The following NALF1 variants were observed in gnomAD, a reference collection of about 807,000 sequenced individuals.
The protein encoded by NALF1 is NALCN channel auxiliary factor 1, also known as family with sequence similarity 155 member A.
In NALF1, 3 loss-of-function variants were observed where a neutral mutation model predicts 48.4. The observed-to-expected ratio is 0.06, with a 90% CI of 0.03 to 0.16. The LOEUF is 0.16. NALF1 is among the 10% of genes least tolerant of loss of function. NALF1 has a pLI of 1.00. For synonymous variants in NALF1, 262 were observed against 245.7 expected (o/e 1.07, Z -0.62); for missense variants, 526 against 571.5 (o/e 0.92, Z 0.81).
intron 1 of NALF1, among the ~76,000 whole-genome samples, chr13:107,615,741 T>C (rs1879361780): frequency 6.6e-6 from 1 of 152,232 alleles, no homozygotes; most frequent in Admixed American, 6.5e-5. Flanking sequence ...ATATTTTCTT[T>C]TACACTAGGT....
At chr13:107,804,215 T>C (rs1316162855) in intron 1 of NALF1, among the ~76,000 whole-genome samples, 2 of 152,206 alleles carry the variant, frequency 1.3e-5, no homozygotes, top group African/African-American at 4.8e-5. Context: ...AGGCGCAATT[T>C]GTCTTCAAGA....
At chr13:107,542,930 A>G (rs1877035625) in intron 1 of NALF1, among the ~76,000 whole-genome samples, 1 of 152,104 alleles carries the variant, frequency 6.6e-6, no homozygotes, top group Admixed American at 6.6e-5. Context: ...AATTATATAA[A>G]TGTTCTTTTG....
intron 1 of NALF1, among the ~76,000 whole-genome samples, chr13:107,819,766 ACACACACACACACAG>A (rs1879308757): frequency 7.6e-6 from 1 of 131,030 alleles, no homozygotes; most frequent in South Asian, 2.5e-4. Flanking sequence ...TCTCTCTTTC[ACACACACACACACAG>A]CACACACACT....
intron 1 of NALF1, among the ~76,000 whole-genome samples, chr13:107,354,817 T>C (rs1463783331): frequency 1.3e-5 from 2 of 152,168 alleles, no homozygotes; most frequent in Non-Finnish European, 2.9e-5. Context: ...GTTTTGTTTG[T>C]GTAAAAGCCC....
At chr13:107,316,316 G>A (rs1289643040) in intron 1 of NALF1, among the ~76,000 whole-genome samples, 5 of 152,144 alleles carry the variant, frequency 3.3e-5, no homozygotes, top group Non-Finnish European at 1.5e-5. Context: ...ATTTGGGTTG[G>A]TTCCAAGTCT....
At chr13:107,845,649 A>G (rs1880152953) in intron 1 of NALF1, among the ~76,000 whole-genome samples, 1 of 152,198 alleles carries the variant, frequency 6.6e-6, no homozygotes, top group Non-Finnish European at 1.5e-5. Context: ...GCAATTGAGA[A>G]TAATCTCTCA....
At position 107,665,486 on chromosome 13, in the gene NALF1, G is replaced by A. The variant is rs1350356364; in HGVS notation, c.915+200196C>T. ...CCATATTAGCTTTTGCTACAATGAA[G>A]CTTAAAGACAAATTTGTCAGTCCTG... On this transcript the variant is annotated intron_variant, in intron 1 of 2. Coordinates refer to ENST00000375915, the MANE Select transcript of NALF1 (RefSeq NM_001080396.3). Among the ~76,000 whole-genome samples, 4 of 152,072 alleles carry A rather than the reference G, an allele frequency of 2.6e-5. No individual in the cohort carries two copies. In the East Asian group the frequency reaches 5.8e-4, roughly 22 times the overall value.
At chr13:107,239,790 A>G (rs1880429810) in intron 1 of NALF1, among the ~76,000 whole-genome samples, 1 of 152,142 alleles carries the variant, frequency 6.6e-6, no homozygotes, top group African/African-American at 2.4e-5. Context: ...AACACCACCA[A>G]CACACCCCAA....
At chr13:107,418,542 TTC>T (rs1301236632) in intron 1 of NALF1, among the ~76,000 whole-genome samples, 6 of 152,190 alleles carry the variant, frequency 3.9e-5, no homozygotes, top group African/African-American at 1.2e-4. Flanking sequence ...TACAATCTAT[TTC>T]TTTTTTTCCC....
intron 1 of NALF1, among the ~76,000 whole-genome samples, chr13:107,537,935 T>C (rs1594117372): frequency 3.3e-5 from 5 of 152,104 alleles, no homozygotes; most frequent in Admixed American, 2.6e-4. Flanking sequence ...GGAGAACTGC[T>C]TTAACTGGCA....
intron 1 of NALF1, among the ~76,000 whole-genome samples, chr13:107,725,508 G>C (rs1258176414): frequency 6.6e-6 from 1 of 152,194 alleles, no homozygotes; most frequent in East Asian, 1.9e-4. Context: ...AGGAGTTCGA[G>C]ACCAGCCTGG....
chr13:107,758,086 G>A (rs1472019275), intron 1 of NALF1, among the ~76,000 whole-genome samples: 2 of 152,130 alleles, frequency 1.3e-5, no homozygotes, highest in South Asian at 4.1e-4. Flanking sequence ...CAAGAGAAAA[G>A]TAACATCAAA....
intron 1 of NALF1, among the ~76,000 whole-genome samples, chr13:107,774,908 T>A (rs1877682384): frequency 2.0e-5 from 3 of 152,174 alleles, no homozygotes; most frequent in Admixed American, 2.0e-4. Context: ...ATTATGCACA[T>A]GTGTCTTAGA....
intron 1 of NALF1, among the ~76,000 whole-genome samples, chr13:107,462,461 A>G (rs1884934953): frequency 6.6e-6 from 1 of 152,254 alleles, no homozygotes; most frequent in African/African-American, 2.4e-5. Context: ...GATCAATTGC[A>G]TATGAAATAA....
chr13:107,634,860 A>G (rs1341383100), intron 1 of NALF1, among the ~76,000 whole-genome samples: 2 of 152,140 alleles, frequency 1.3e-5, no homozygotes, highest in African/African-American at 4.8e-5. Context: ...TACAATGGGA[A>G]CTGGATATAA....
chr13:107,317,900 A>C (rs1041272115), intron 1 of NALF1, among the ~76,000 whole-genome samples: 2 of 152,054 alleles, frequency 1.3e-5, no homozygotes, highest in Non-Finnish European at 2.9e-5. Flanking sequence ...GAAAAGAAGC[A>C]AAAACTAACA....
At chr13:107,560,022 A>G (rs780919980) in intron 1 of NALF1, among the ~76,000 whole-genome samples, 1 of 152,176 alleles carries the variant, frequency 6.6e-6, no homozygotes, top group Non-Finnish European at 1.5e-5. Context: ...ATAGAAAGGA[A>G]GGAAGGAGAA....
At chr13:107,707,288 G>C (rs1875424337) in intron 1 of NALF1, among the ~76,000 whole-genome samples, 1 of 152,130 alleles carries the variant, frequency 6.6e-6, no homozygotes, top group East Asian at 1.9e-4. Flanking sequence ...CAATAATCTG[G>C]AAGACTTTAT....
At chr13:107,280,466 A>G (rs1002028829) in intron 1 of NALF1, among the ~76,000 whole-genome samples, 5 of 152,208 alleles carry the variant, frequency 3.3e-5, no homozygotes, top group African/African-American at 1.2e-4. Context: ...AACACTCAAG[A>G]GTGCCCCATG....
Sources: gnomAD v4.1 joint callset for allele counts (sites outside exome capture counted in the v4.1 genomes callset) on GRCh38, gnomAD v4.1.1 for gene constraint, MANE v1.5 for transcripts, NCBI Gene and HGNC (gene_info 2026-07-23, HGNC 2026-07-21) for gene names.